Variants in ZNF445 observed in about 807,000 individuals in gnomAD.
ZNF445 encodes the protein zinc finger protein 445.
A neutral mutation model predicts 93.9 loss-of-function variants in ZNF445; 19 were observed. That is an observed-to-expected ratio of 0.20 (90% CI 0.14 to 0.30). The LOEUF is 0.30. Ranked by LOEUF, ZNF445 falls within the 10% of genes least tolerant of loss-of-function variation. ZNF445 has a pLI of 1.00. For synonymous variants in ZNF445, 449 were observed against 446.3 expected, an observed-to-expected ratio of 1.01 and a Z score of -0.08; for missense variants, 1,058 against 1,259.4, an observed-to-expected ratio of 0.84 and a Z score of 2.42.
At chr3:44,449,460 A>G in intron 7 of ZNF445, 53 bp downstream of exon 7, 1 of 1,397,498 alleles carries the variant, frequency 7.2e-7, no homozygotes, top group Non-Finnish European at 1.0e-6. Context: ...ACCTTAAGAA[A>G]GAGAAAAGTA....
At chr3:44,473,455 A>C (rs1159089189) in intron 1 of ZNF445, among the ~76,000 whole-genome samples, 2 of 85,400 alleles carry the variant, frequency 2.3e-5, no homozygotes, top group Non-Finnish European at 5.4e-5. Context: ...ACTCCACTTC[A>C]CACACACACA....
rs1477000051 is a variant in ZNF445 at position 44,455,327 on chromosome 3, G to A, written c.223C>T (p.Arg75Trp). The change falls in exon 3 of 8, where the codon CGG (arginine) becomes TGG (tryptophan). Residue 75 changes from arginine (R) to tryptophan (W), a missense_variant. Around this residue, in one of 3 missense-constraint regions of ZNF445, gnomAD observed 657 missense variants for 746.4 expected, o/e 0.88. Transcript: ENST00000396077. ...CACCAGCGACAGAGTTCCCGGAGCC[G>A]GCTCAGAGTTTCTAGGGGCCCTGAA... ...ESSGPLETLS[R>W]LRELCRWWLR... is the part of the protein sequence containing the mutation. 4 of 1,613,888 alleles carry A rather than the reference G, an allele frequency of 2.5e-6. No individual in the cohort carries two copies. The highest frequency in any genetic ancestry group is 2.5e-6 in the Non-Finnish European group (3 of 1,179,864).
rs1252870581 is a variant in ZNF445 at position 44,450,969 on chromosome 3, G to A, written c.599-7C>T. The A allele has an allele frequency of 6.3e-7, 1 of 1,576,224 alleles. No individual in the cohort carries two copies. The highest frequency in any genetic ancestry group is 1.9e-5 in the Admixed American group (1 of 53,712). Reference sequence around the variant, plus strand: ...ATCTGGGCAGCAGGAGTATCTGAAGGAGAAAAAGCCATGAGAGAGCGGCTC... The same window carrying A: ...ATCTGGGCAGCAGGAGTATCTGAAGAAGAAAAAGCCATGAGAGAGCGGCTC... On this transcript the variant is annotated splice_region_variant and splice_polypyrimidine_tract_variant and intron_variant, in intron 4 of 7. Coordinates refer to ENST00000396077, the MANE Select transcript of ZNF445 (RefSeq NM_181489.6).
At chr3:44,454,057 A>G (rs998368741) in intron 3 of ZNF445, among the ~76,000 whole-genome samples, 2 of 152,152 alleles carry the variant, frequency 1.3e-5, no homozygotes, top group Middle Eastern at 3.2e-3. Flanking sequence ...TCATACCTGT[A>G]ATCCCAGCAT....
rs1462253660 is a variant in ZNF445, at chr3:44,448,270, G to A, written c.1401C>T (p.Ser467=). The A allele has an allele frequency of 1.9e-6, 3 of 1,614,174 alleles. No homozygotes were observed. Among genetic ancestry groups the A allele is most frequent in the Non-Finnish European group, 2.5e-6 (3 of 1,180,040 alleles). The change falls in exon 8 of 8, where the codon AGC becomes AGT. Residue 467 remains serine, a synonymous_variant. Coordinates refer to ENST00000396077, the MANE Select transcript of ZNF445 (RefSeq NM_181489.6). The part of the protein sequence containing the change: ...NKKDVCGKDF[S]LSSHHQRGQS... ...GCCCACGTTGGTGATGAGAGCTAAG[G>A]CTGAAGTCTTTTCCACACACGTCCT... is the stretch of plus-strand genomic sequence containing the variant.
Position 44,434,575 on chromosome 3 carries a change from T to A in ZNF445, c.*12000A>T, listed in dbSNP as rs1229146869. The A allele has an allele frequency of 6.6e-6, 1 of 152,196 alleles. No homozygotes were observed. The highest frequency in any genetic ancestry group is 1.9e-4 in the East Asian group (1 of 5,188). 9.4% of individuals were successfully genotyped at this position (152,196 alleles called of 1,614,324 possible). On this transcript the variant is annotated 3_prime_UTR_variant, in exon 8 of 8. Coordinates refer to ENST00000396077, the MANE Select transcript of ZNF445 (RefSeq NM_181489.6). ...AGTGACTATAATGTCATCAATATAA[T>A]GGACCAGTGTGTCGTCCTGAGGGTG...
chr3:44,456,715 A>G (rs1284726352), intron 2 of ZNF445, among the ~76,000 whole-genome samples: 1 of 152,222 alleles, frequency 6.6e-6, no homozygotes, highest in Non-Finnish European at 1.5e-5. Context: ...AAAAACAAAA[A>G]AATCCTGAGA....
intron 1 of ZNF445, among the ~76,000 whole-genome samples, chr3:44,465,895 C>T (rs532585469): frequency 6.6e-6 from 1 of 152,214 alleles, no homozygotes; most frequent in South Asian, 2.1e-4. Flanking sequence ...GACTGGGCTA[C>T]AGAGTAAGAC....
At position 44,443,148 on chromosome 3, in the gene ZNF445, C is replaced by A. The variant is rs1697832804; in HGVS notation, c.*3427G>T. On this transcript the variant is annotated 3_prime_UTR_variant, in exon 8 of 8. Transcript: ENST00000396077. ...AACTGGCAGAGAGAGGGGTGTGGCA[C>A]TCCAGGTGAAGGGAGGCAGCACAAG... 6.6e-6 allele frequency: 1 copy of A among 152,216 alleles called. No homozygotes were observed. The highest frequency in any genetic ancestry group is 1.5e-5 in the Non-Finnish European group (1 of 68,090). The allele number at this position is 152,216 out of a possible 1,614,324, so 9.4% of individuals were successfully genotyped here.
At chr3:44,448,984 A>G (rs572878816) in intron 7 of ZNF445, among the ~76,000 whole-genome samples, 9 of 152,368 alleles carry the variant, frequency 5.9e-5, no homozygotes, top group African/African-American at 2.2e-4. Context: ...GGAAATAAAA[A>G]GGATTAAGAA....
intron 1 of ZNF445, among the ~76,000 whole-genome samples, chr3:44,473,490 C>CACACACACACACACAA (rs774842477): frequency 2.8e-4 from 16 of 56,928 alleles, no homozygotes; most frequent in African/African-American, 6.5e-4. Context: ...CACACACACA[C>CACACACACACACACAA]AAAAAATGCT....
chr3:44,459,621 T>C (rs189601733), intron 1 of ZNF445, among the ~76,000 whole-genome samples: 1 of 152,200 alleles, frequency 6.6e-6, no homozygotes, highest in East Asian at 1.9e-4. Flanking sequence ...AAAGCTACAT[T>C]AATGAAAACA....
rs185733980 is a variant in ZNF445 at position 44,442,227 on chromosome 3, T to C, written c.*4348A>G. ...CTTTCCAAGGACCAAAAACAACCCATTTATTTATCCATTCTTCTGCTGATG... is the reference window on the plus strand; with the variant it reads ...CTTTCCAAGGACCAAAAACAACCCACTTATTTATCCATTCTTCTGCTGATG... On this transcript the variant is annotated 3_prime_UTR_variant, in exon 8 of 8. Transcript: ENST00000396077. 7.2e-4 allele frequency: 110 copies of C among 152,344 alleles called. No individual in the cohort carries two copies. The highest frequency in any genetic ancestry group is 2.6e-3 in the African/African-American group (109 of 41,578). The allele number at this position is 152,344 out of a possible 1,614,324, so 9.4% of individuals were successfully genotyped here.
intron 3 of ZNF445, among the ~76,000 whole-genome samples, chr3:44,453,874 AC>A (rs926695367): frequency 3.3e-5 from 5 of 152,176 alleles, no homozygotes; most frequent in African/African-American, 1.2e-4. Flanking sequence ...TCTGAAAGGT[AC>A]AACTATGTGG....
intron 1 of ZNF445, among the ~76,000 whole-genome samples, chr3:44,463,036 TG>T (rs1698141083): frequency 6.6e-6 from 1 of 151,344 alleles, no homozygotes; most frequent in Admixed American, 6.6e-5. Context: ...TGTGTGTGTG[TG>T]TGTGTGTGTG....
chr3:44,454,018 G>A (rs1039978939), intron 3 of ZNF445, among the ~76,000 whole-genome samples: 2 of 151,726 alleles, frequency 1.3e-5, no homozygotes, highest in Non-Finnish European at 2.9e-5. Flanking sequence ...GTCCTCAAAA[G>A]CTTAGTGAGA....
intron 3 of ZNF445, among the ~76,000 whole-genome samples, 153 bp from the exon 4 acceptor site, chr3:44,451,635 G>C (rs1427847793): frequency 6.6e-6 from 1 of 152,190 alleles, no homozygotes; most frequent in Non-Finnish European, 1.5e-5. Context: ...AGGGCAAGAA[G>C]AACGCCCAGG....
rs1484270204 is a variant in ZNF445, at chr3:44,447,883, G to A, written c.1788C>T (p.Leu596=). ...ATTTCCTGCACTGGCTGCAGTCAAA[G>A]AGTTTCTCCCCACTTTGGTCTCCCA... ...HHLGDQSGEK[L]FDCSQCRKSF... Residue 596 remains leucine (L), a synonymous_variant, in exon 8 of 8, where the codon CTC becomes CTT. Coordinates refer to ENST00000396077, the MANE Select transcript of ZNF445 (RefSeq NM_181489.6). The surrounding 1 kb of genome is among the most constrained non-coding windows in gnomAD (Gnocchi z 4.7). 8.7e-6 allele frequency: 14 copies of A among 1,613,888 alleles called. No homozygotes were observed. The highest frequency in any genetic ancestry group is 1.2e-5 in the Non-Finnish European group (14 of 1,180,044).
At chr3:44,468,620 C>G (rs1290564795) in intron 1 of ZNF445, among the ~76,000 whole-genome samples, 2 of 152,000 alleles carry the variant, frequency 1.3e-5, no homozygotes, top group African/African-American at 4.8e-5. Flanking sequence ...TTAGCTGGCA[C>G]AACCCAGATC....
Sources: allele counts gnomAD v4.1 joint callset (sites outside exome capture counted in the v4.1 genomes callset), GRCh38; gene constraint gnomAD v4.1.1; regional missense constraint gnomAD v4.1.1; non-coding constraint Gnocchi (gnomAD v3.1); transcripts MANE v1.5; gene names NCBI Gene and HGNC (gene_info 2026-07-23, HGNC 2026-07-21).